The following BACH2 variants were observed in gnomAD, a reference collection of about 807,000 sequenced individuals.
BACH2 encodes the protein BACH transcriptional regulator 2.
A neutral mutation model predicts 61.8 loss-of-function variants in BACH2; 5 were observed. The observed-to-expected ratio is 0.08, with a 90% CI of 0.04 to 0.17. The LOEUF is 0.17. Among genes scored for constraint, BACH2 ranks in the 10% least tolerant of loss-of-function variants. The pLI is 1.00. For synonymous variants in BACH2, 446 were observed against 440.1 expected (o/e 1.01, Z -0.17); for missense variants, 824 against 1,091.1 (o/e 0.76, Z 3.45).
chr6:90,295,684 T>C (rs564747977), intron 1 of BACH2, among the ~76,000 whole-genome samples: 1 of 150,406 alleles, frequency 6.6e-6, no homozygotes, highest in African/African-American at 2.5e-5. Context: ...TGTGTGTGTG[T>C]TGCACCTTGA....
intron 4 of BACH2, among the ~76,000 whole-genome samples, chr6:90,192,318 T>A (rs1225368593): frequency 6.6e-6 from 1 of 151,378 alleles, no homozygotes; most frequent in African/African-American, 2.4e-5. Context: ...TTTTTTTTTT[T>A]AAAGAATAAA....
At chr6:90,295,657 G>GTGTGTA (rs1772327585) in intron 1 of BACH2, among the ~76,000 whole-genome samples, 1 of 114,720 alleles carries the variant, frequency 8.7e-6, no homozygotes, top group African/African-American at 3.4e-5. Context: ...AGTGTAGGGT[G>GTGTGTA]TGTGTGTGTG....
At chr6:90,110,440 G>A (rs1783119065) in intron 4 of BACH2, among the ~76,000 whole-genome samples, 1 of 152,136 alleles carries the variant, frequency 6.6e-6, no homozygotes, top group African/African-American at 2.4e-5. Flanking sequence ...TGTTCACTAA[G>A]TTCGGAGATC....
intron 4 of BACH2, among the ~76,000 whole-genome samples, chr6:90,133,711 G>A (rs1220066190): frequency 1.3e-5 from 2 of 152,064 alleles, no homozygotes; most frequent in Middle Eastern, 3.4e-3. Flanking sequence ...CCCACAACAG[G>A]CCCCAGTGTG....
intron 5 of BACH2, among the ~76,000 whole-genome samples, chr6:90,048,140 A>G (rs1337963056): frequency 6.6e-6 from 1 of 151,712 alleles, no homozygotes; most frequent in African/African-American, 2.4e-5. Flanking sequence ...TTTTATTTAT[A>G]TATTTAGAGA....
At chr6:90,038,734 T>C (rs748944689) in intron 5 of BACH2, among the ~76,000 whole-genome samples, 2 of 152,112 alleles carry the variant, frequency 1.3e-5, no homozygotes, top group Admixed American at 6.6e-5. Context: ...TTGTCCTTTT[T>C]TTTACACAGA....
intron 4 of BACH2, among the ~76,000 whole-genome samples, chr6:90,187,083 C>T (rs1249601404): frequency 1.3e-5 from 2 of 152,130 alleles, no homozygotes; most frequent in African/African-American, 4.8e-5. Flanking sequence ...AGAAATTCTG[C>T]CAACAAAAAC....
At chr6:90,026,070 A>G (rs1055857539) in intron 5 of BACH2, among the ~76,000 whole-genome samples, 1 of 152,142 alleles carries the variant, frequency 6.6e-6, no homozygotes, top group African/African-American at 2.4e-5. Context: ...TCTGTCTTAG[A>G]AAAAAACCAA....
At chr6:90,075,570 C>A (rs1249804226) in intron 5 of BACH2, among the ~76,000 whole-genome samples, 2 of 152,042 alleles carry the variant, frequency 1.3e-5, no homozygotes, top group South Asian at 2.1e-4. Flanking sequence ...AATTACGATA[C>A]CCTGACCCCA....
At chr6:90,264,813 A>G (rs1188950675) in intron 2 of BACH2, among the ~76,000 whole-genome samples, 1 of 152,170 alleles carries the variant, frequency 6.6e-6, no homozygotes, top group Non-Finnish European at 1.5e-5. Flanking sequence ...GCTGTCAAGC[A>G]GTGGTTCCTG....
At chr6:90,097,671 T>C (rs1238170643) in intron 4 of BACH2, among the ~76,000 whole-genome samples, 1 of 152,308 alleles carries the variant, frequency 6.6e-6, no homozygotes, top group Admixed American at 6.5e-5. Context: ...TGGTAAAATA[T>C]CCAAAACGTA....
intron 6 of BACH2, among the ~76,000 whole-genome samples, chr6:89,997,133 C>T (rs1776894338): frequency 6.6e-6 from 1 of 152,104 alleles, no homozygotes; most frequent in Non-Finnish European, 1.5e-5. Flanking sequence ...GCTGAAATCC[C>T]TCCTGTATAG....
intron 6 of BACH2, among the ~76,000 whole-genome samples, chr6:89,952,629 A>G (rs1774199192): frequency 6.6e-6 from 1 of 152,160 alleles, no homozygotes; most frequent in South Asian, 2.1e-4. Flanking sequence ...GGTATGGGCT[A>G]TTCCTTCCCT....
At chr6:90,109,045 C>A (rs1158261963) in intron 4 of BACH2, among the ~76,000 whole-genome samples, 1 of 152,208 alleles carries the variant, frequency 6.6e-6, no homozygotes, top group African/African-American at 2.4e-5. Context: ...TTGATGCCAT[C>A]GCTTCCTCCA....
intron 6 of BACH2, among the ~76,000 whole-genome samples, chr6:89,977,277 T>G (rs1217842649): frequency 1.3e-5 from 2 of 152,230 alleles, no homozygotes; most frequent in Non-Finnish European, 2.9e-5. Flanking sequence ...CCTAAAGCCA[T>G]GTACAGAAGG....
At chr6:90,165,100 A>G (rs1018352608) in intron 4 of BACH2, among the ~76,000 whole-genome samples, 1 of 152,174 alleles carries the variant, frequency 6.6e-6, no homozygotes, top group African/African-American at 2.4e-5. Flanking sequence ...AGGGTATTCA[A>G]TTAGGAAAAG....
chr6:90,253,997 T>C (rs1770897094), intron 2 of BACH2, among the ~76,000 whole-genome samples: 1 of 152,204 alleles, frequency 6.6e-6, no homozygotes, highest in Non-Finnish European at 1.5e-5. Context: ...TCTTACTGTT[T>C]AGTATCCTAA....
At chr6:89,948,798 G>A (rs527874046) in intron 7 of BACH2, among the ~76,000 whole-genome samples, 5 of 152,248 alleles carry the variant, frequency 3.3e-5, no homozygotes, top group South Asian at 4.2e-4. Context: ...TGGGGCACTG[G>A]GCACAACCCA....
chr6:89,950,952 T>C lies in BACH2; in HGVS notation c.1154A>G (p.Tyr385Cys), dbSNP rs770481670. The C allele has an allele frequency of 6.9e-5, 108 of 1,571,700 alleles. 1 individual carries two copies. The South Asian group carries it at 1.3e-3, about 18-fold the overall frequency. The change falls in exon 7 of 9, where the codon TAC becomes TGC. Residue 385 changes from tyrosine to cysteine, a missense_variant. Physicochemically the swap from Tyr to Cys is radical, Grantham distance 194. Transcript: ENST00000257749. This position sits in a 1 kb window ranked among gnomAD's most constrained non-coding sequence, Gnocchi z 5.3. ...GITQGDLKTD[Y>C]TPFTGNYGQP... The stretch of plus-strand genomic sequence containing the variant: ...TCCATAATTCCCTGTGAAAGGGGTG[T>C]AGTCAGTTTTAAGGTCACCCTGAGT...
Sources: gnomAD v4.1 joint callset for allele counts (sites outside exome capture counted in the v4.1 genomes callset) on GRCh38, gnomAD v4.1.1 for gene constraint, Gnocchi (gnomAD v3.1) non-coding constraint, MANE v1.5 for transcripts, NCBI Gene and HGNC (gene_info 2026-07-23, HGNC 2026-07-21) for gene names.